CD55: variants seen among roughly 807,000 people sequenced by gnomAD.
CD55 encodes the protein CD55 molecule (Cromer blood group), also known as complement decay-accelerating factor.
A neutral mutation model predicts 45.8 loss-of-function variants in CD55; 41 were observed. The observed-to-expected ratio is 0.90, with a 90% CI of 0.70 to 1.16. The LOEUF is 1.16. CD55 is among the 50% of genes most tolerant of loss of function. The probability of loss-of-function intolerance (pLI) is 0.00; values close to 1 mark genes in which losing one functional copy is unlikely to be tolerated. For synonymous variants in CD55, 181 were observed against 181.1 expected, an observed-to-expected ratio of 1.00 and a Z score of 0.01; for missense variants, 416 against 469.8, an observed-to-expected ratio of 0.89 and a Z score of 1.06.
intron 2 of CD55, 83 bp downstream of exon 2, chr1:207,322,650 A>G: frequency 8.6e-7 from 1 of 1,169,344 alleles, no homozygotes; most frequent in Non-Finnish European, 1.2e-6. Flanking sequence ...AGTGACTAGT[A>G]ATTGATAGTT....
At position 207,322,568 on chromosome 1, in the gene CD55, G is replaced by T. The variant is rs376304458; in HGVS notation, c.286+1G>T. The T allele has an allele frequency of 3.1e-6, 5 of 1,594,094 alleles. No homozygotes were observed. In the East Asian group the frequency reaches 6.7e-5, roughly 21 times the overall value. ...TCAGATATTGAAGAGTTCTGCAATCGTAAGTTCTTCATCTTTTTAGAAAAG... is the reference window on the plus strand; with the variant it reads ...TCAGATATTGAAGAGTTCTGCAATCTTAAGTTCTTCATCTTTTTAGAAAAG... On this transcript the variant is annotated splice_donor_variant, in intron 2 of 9. Transcript: ENST00000367064. LOFTEE classifies it high-confidence loss of function.
chr1:207,327,010 C>T (rs1005182245), intron 5 of CD55, among the ~76,000 whole-genome samples, 173 bp downstream of exon 5: 8 of 152,292 alleles, frequency 5.3e-5, no homozygotes, highest in Middle Eastern at 3.4e-3. Context: ...CTTCATTTAG[C>T]AGCTGTGAAG....
chr1:207,349,975 G>T (rs780220359), intron 9 of CD55, among the ~76,000 whole-genome samples: 2 of 152,130 alleles, frequency 1.3e-5, no homozygotes, highest in Non-Finnish European at 2.9e-5. Flanking sequence ...TGCTCATTCA[G>T]TATGATGTTG....
intron 4 of CD55, among the ~76,000 whole-genome samples, chr1:207,326,172 G>C (rs990225323): frequency 1.3e-5 from 2 of 152,246 alleles, no homozygotes. Context: ...TAAGTTCTCT[G>C]TATAGGGAGA....
chr1:207,331,952 A>C (rs1267705139), intron 6 of CD55, among the ~76,000 whole-genome samples: 2 of 152,158 alleles, frequency 1.3e-5, no homozygotes. Context: ...GTGAATACCA[A>C]CATGACTCAA....
At chr1:207,327,849 G>C (rs373896030) in intron 5 of CD55, among the ~76,000 whole-genome samples, 2 of 152,260 alleles carry the variant, frequency 1.3e-5, no homozygotes, top group Non-Finnish European at 2.9e-5. Context: ...TTCTTTTTGA[G>C]ATGTCATACT....
rs1438743639 is a variant in CD55 at position 207,344,619 on chromosome 1, A to G, written c.1081+5202A>G. Reference sequence around the variant, plus strand: ...ATTGTTAGTCTGATGGGTTTCCTTTATAAGTGACTAGATGCTTTTCCCTTG... The same window carrying G: ...ATTGTTAGTCTGATGGGTTTCCTTTGTAAGTGACTAGATGCTTTTCCCTTG... On this transcript the variant is annotated intron_variant, in intron 9 of 9. Transcript: ENST00000367064. 5.3e-5 allele frequency among the ~76,000 whole-genome samples: 8 copies of G among 152,050 alleles called. No individual in the cohort carries two copies. The East Asian group carries it at 1.4e-3, about 26-fold the overall frequency.
At chr1:207,328,612 C>G (rs984781761) in intron 5 of CD55, among the ~76,000 whole-genome samples, 1 of 152,206 alleles carries the variant, frequency 6.6e-6, no homozygotes, top group Admixed American at 6.5e-5. Context: ...TTGCTTATCT[C>G]TCTGCCAATG....
In CD55 at chr1:207,359,620, A is replaced by G. The variant is rs762806651; in HGVS notation, c.*10A>G. ...GGGCTTGCTGACTTAGCCAAAGAAG[A>G]GTTAAGAAGAAAATACACACAAGTA... is the stretch of plus-strand genomic sequence containing the variant. On this transcript the variant is annotated 3_prime_UTR_variant, in exon 10 of 10. Coordinates refer to ENST00000367064, the MANE Select transcript of CD55 (RefSeq NM_000574.5). The G allele has an allele frequency of 3.2e-6, 5 of 1,584,396 alleles. No individual in the cohort carries two copies. In the South Asian group the frequency reaches 5.8e-5, roughly 18 times the overall value.
intron 9 of CD55, among the ~76,000 whole-genome samples, chr1:207,354,642 T>C (rs1185262604): frequency 6.6e-6 from 1 of 152,226 alleles, no homozygotes; most frequent in Non-Finnish European, 1.5e-5. Flanking sequence ...GTATAAATCT[T>C]AATGTTGATT....
intron 8 of CD55, among the ~76,000 whole-genome samples, chr1:207,338,434 G>T (rs1446689524): frequency 6.6e-6 from 1 of 151,966 alleles, no homozygotes; most frequent in Non-Finnish European, 1.5e-5. Context: ...ATAGGGCAAG[G>T]CAAAGAGAAA....
At chr1:207,353,902 C>A in intron 9 of CD55, 1 of 1,057,000 alleles carries the variant, frequency 9.5e-7, no homozygotes, top group Non-Finnish European at 1.3e-6. Flanking sequence ...TTCACTTGTC[C>A]ACAGGCCCTT....
intron 9 of CD55, among the ~76,000 whole-genome samples, chr1:207,350,485 G>A (rs1046515540): frequency 6.6e-6 from 1 of 152,062 alleles, no homozygotes; most frequent in African/African-American, 2.4e-5. Context: ...TCTGGTACAG[G>A]GCTCTTTCTG....
At chr1:207,327,238 A>G (rs1255446980) in intron 5 of CD55, among the ~76,000 whole-genome samples, 2 of 152,202 alleles carry the variant, frequency 1.3e-5, no homozygotes, top group East Asian at 3.8e-4. Flanking sequence ...AACAAGTGGC[A>G]ATGGAAGGCA....
At chr1:207,354,657 T>A (rs1656010633) in intron 9 of CD55, among the ~76,000 whole-genome samples, 1 of 152,252 alleles carries the variant, frequency 6.6e-6, no homozygotes, top group Non-Finnish European at 1.5e-5. Context: ...TTGATTCACC[T>A]TTGGTTTTCT....
At position 207,336,742 on chromosome 1, in the gene CD55, A is replaced by C. The variant is rs747723739; in HGVS notation, c.903A>C (p.Thr301=). 18 of 1,613,952 alleles carry C rather than the reference A, an allele frequency of 1.1e-5. No individual in the cohort carries two copies. Among genetic ancestry groups the C allele is most frequent in the Non-Finnish European group, 1.5e-5 (18 of 1,179,846 alleles). The change falls in exon 7 of 10, where the codon ACA becomes ACC. Residue 301 remains threonine, a synonymous_variant. Transcript: ENST00000367064. ...CACCAACAGTTCAGAAACCTACCAC[A>C]GTAAATGTTCCAACTACAGAAGTCT... ...KVPPTVQKPT[T]VNVPTTEVSP...
In CD55 at chr1:207,359,865, G is replaced by A. The variant is rs1045337150; in HGVS notation, c.*255G>A. 2.3e-5 allele frequency: 8 copies of A among 351,558 alleles called. No individual in the cohort carries two copies. The Admixed American group carries it at 2.8e-4, about 12-fold the overall frequency. The allele number at this position is 351,558 out of a possible 1,614,324, so 21.8% of individuals were successfully genotyped here. On this transcript the variant is annotated 3_prime_UTR_variant, in exon 10 of 10. Transcript: ENST00000367064. ...TGAGAGTGATTCCTTTCCTAAAAGT[G>A]TAAGAAAGCATAGAGATTTGTTCGT...
At chr1:207,327,761 C>T (rs956916741) in intron 5 of CD55, among the ~76,000 whole-genome samples, 10 of 152,110 alleles carry the variant, frequency 6.6e-5, no homozygotes, top group Non-Finnish European at 1.0e-4. Flanking sequence ...GCAACGTGTA[C>T]GGTCAACTGA....
intron 4 of CD55, among the ~76,000 whole-genome samples, chr1:207,326,299 A>G (rs1654678735): frequency 6.6e-6 from 1 of 152,168 alleles, no homozygotes; most frequent in Admixed American, 6.5e-5. Flanking sequence ...GTGTGTCCCT[A>G]TTCTTTATAA....
Sources: gnomAD v4.1 joint callset for allele counts (sites outside exome capture counted in the v4.1 genomes callset) on GRCh38, gnomAD v4.1.1 for gene constraint, MANE v1.5 for transcripts, NCBI Gene and HGNC (gene_info 2026-07-23, HGNC 2026-07-21) for gene names.